Variants in ASTN2 observed in about 807,000 individuals in gnomAD.
ASTN2 encodes the protein astrotactin-2.
In ASTN2, 54 loss-of-function variants were observed where a neutral mutation model predicts 139.8. That is an observed-to-expected ratio of 0.39 (90% CI 0.31 to 0.48). The LOEUF is 0.48. Among genes scored for constraint, ASTN2 ranks in the 20% least tolerant of loss-of-function variants. The pLI, the probability that ASTN2 is intolerant of heterozygous loss-of-function variation, is 0.95. For synonymous variants in ASTN2, 756 were observed against 719.5 expected, an observed-to-expected ratio of 1.05 and a Z score of -0.81; for missense variants, 1,565 against 1,725.1, an observed-to-expected ratio of 0.91 and a Z score of 1.64.
rs550123220 is a variant in ASTN2 at position 116,840,064 on chromosome 9, G to T, written c.2041-19281C>A. ...GTGTCCCTGGGTACTTGAGATTAGG[G>T]AGTGGTGATGACTCTTAAGGAGCAT... is the stretch of plus-strand genomic sequence containing the variant. On this transcript the variant is annotated intron_variant, in intron 11 of 22. Coordinates refer to ENST00000313400, the MANE Select transcript of ASTN2 (RefSeq NM_001365068.1). 1.4e-3 allele frequency among the ~76,000 whole-genome samples: 207 copies of T among 147,752 alleles called. 1 individual carries two copies. Among genetic ancestry groups the T allele is most frequent in the African/African-American group, 5.0e-3 (196 of 39,108 alleles).
intron 16 of ASTN2, among the ~76,000 whole-genome samples, chr9:116,706,258 C>T (rs553503435): frequency 6.6e-6 from 1 of 152,258 alleles, no homozygotes; most frequent in South Asian, 2.1e-4. Flanking sequence ...GAAGCCTACG[C>T]CAAATAAGTG....
chr9:117,078,127 C>T (rs1342774849), intron 5 of ASTN2, among the ~76,000 whole-genome samples: 3 of 152,172 alleles, frequency 2.0e-5, no homozygotes, highest in Non-Finnish European at 4.4e-5. Flanking sequence ...TATTGTTTCT[C>T]ACCACACCCA....
At chr9:116,496,124 T>C (rs1034931576) in intron 19 of ASTN2, among the ~76,000 whole-genome samples, 1 of 152,180 alleles carries the variant, frequency 6.6e-6, no homozygotes, top group Admixed American at 6.5e-5. Flanking sequence ...TATCACCCTT[T>C]ACCCTCTTAA....
At chr9:116,618,848 A>G (rs1855984005) in intron 18 of ASTN2, among the ~76,000 whole-genome samples, 1 of 152,102 alleles carries the variant, frequency 6.6e-6, no homozygotes, top group Admixed American at 6.6e-5. Context: ...TTTTTCTGCC[A>G]TTTTCTTTAA....
intron 19 of ASTN2, among the ~76,000 whole-genome samples, chr9:116,565,427 ATATTTATT>A (rs1316457639): frequency 4.1e-5 from 3 of 74,010 alleles, no homozygotes; most frequent in African/African-American, 1.7e-4. Flanking sequence ...ATATATATAT[ATATTTATT>A]TATTTATTTT....
chr9:116,495,542 T>C (rs140806093), intron 19 of ASTN2, among the ~76,000 whole-genome samples: 3 of 152,204 alleles, frequency 2.0e-5, no homozygotes, highest in Non-Finnish European at 4.4e-5. Flanking sequence ...CTTGGGTATT[T>C]CAGATACATG....
chr9:117,296,295 A>T (rs1270910785), intron 1 of ASTN2, among the ~76,000 whole-genome samples: 1 of 149,452 alleles, frequency 6.7e-6, no homozygotes, highest in Admixed American at 6.6e-5. Flanking sequence ...AAAAAAAAAA[A>T]AAAAAAAAGA....
intron 10 of ASTN2, among the ~76,000 whole-genome samples, chr9:116,905,163 G>A (rs866817236): frequency 6.6e-6 from 1 of 152,010 alleles, no homozygotes; most frequent in Admixed American, 6.6e-5. Flanking sequence ...TGGAGGGGCC[G>A]CGGGTGGGTG....
chr9:116,918,604 T>A (rs1834517367), intron 10 of ASTN2, among the ~76,000 whole-genome samples: 3 of 152,372 alleles, frequency 2.0e-5, no homozygotes, highest in Admixed American at 2.0e-4. Flanking sequence ...TAAATGTCAA[T>A]CTTCTACCTT....
chr9:116,661,100 C>A (rs1487480521), intron 16 of ASTN2, among the ~76,000 whole-genome samples: 1 of 152,068 alleles, frequency 6.6e-6, no homozygotes, highest in East Asian at 1.9e-4. Flanking sequence ...CTGGACACTG[C>A]CCAGTAGCCT....
chr9:116,615,511 G>A (rs917985052), intron 19 of ASTN2, among the ~76,000 whole-genome samples: 6 of 152,252 alleles, frequency 3.9e-5, no homozygotes, highest in African/African-American at 1.4e-4. Context: ...TTAAGAAAAT[G>A]TGGCACATAT....
intron 13 of ASTN2, among the ~76,000 whole-genome samples, chr9:116,753,002 C>T (rs989484942): frequency 3.3e-5 from 5 of 152,188 alleles, no homozygotes. Flanking sequence ...TCTGCAATTG[C>T]ATGCATTCCT....
intron 10 of ASTN2, among the ~76,000 whole-genome samples, chr9:116,927,543 T>C (rs1710502471): frequency 6.6e-6 from 1 of 152,218 alleles, no homozygotes; most frequent in Non-Finnish European, 1.5e-5. Context: ...CTGCTTTGGA[T>C]TGATCAGCTC....
At chr9:116,803,007 T>C (rs993668190) in intron 13 of ASTN2, among the ~76,000 whole-genome samples, 12 of 150,042 alleles carry the variant, frequency 8.0e-5, no homozygotes, top group Admixed American at 1.3e-4. Context: ...CAGGCTTCCA[T>C]GGGAACTCTT....
At chr9:116,541,835 T>G (rs1851889284) in intron 19 of ASTN2, among the ~76,000 whole-genome samples, 1 of 152,244 alleles carries the variant, frequency 6.6e-6, no homozygotes, top group Admixed American at 6.5e-5. Context: ...ATATACCATT[T>G]TAAATTAAAT....
intron 20 of ASTN2, among the ~76,000 whole-genome samples, chr9:116,478,033 A>C (rs1298363733): frequency 1.3e-5 from 2 of 151,006 alleles, no homozygotes; most frequent in African/African-American, 4.9e-5. Context: ...CAGTTAAAAA[A>C]AGAACAAAAG....
chr9:117,406,579 CA>C (rs1168359822), intron 1 of ASTN2, among the ~76,000 whole-genome samples: 2 of 152,090 alleles, frequency 1.3e-5, no homozygotes, highest in African/African-American at 4.8e-5. Context: ...GCTAGATAAT[CA>C]GCTAGGATTA....
At chr9:116,763,039 G>A (rs1324419171) in intron 13 of ASTN2, among the ~76,000 whole-genome samples, 1 of 152,164 alleles carries the variant, frequency 6.6e-6, no homozygotes, top group African/African-American at 2.4e-5. Flanking sequence ...TTATTCCAAT[G>A]TCTGTTCTCT....
chr9:117,100,045 C>T (rs1474560348), intron 4 of ASTN2, among the ~76,000 whole-genome samples: 1 of 152,178 alleles, frequency 6.6e-6, no homozygotes, highest in Non-Finnish European at 1.5e-5. Context: ...CTGGCAAATG[C>T]TTGATATGTT....
Sources: allele counts gnomAD v4.1 joint callset (sites outside exome capture counted in the v4.1 genomes callset), GRCh38; gene constraint gnomAD v4.1.1; transcripts MANE v1.5; gene names NCBI Gene and HGNC (gene_info 2026-07-23, HGNC 2026-07-21).